RPGRIP1L: variants seen among roughly 807,000 people sequenced by gnomAD.
RPGRIP1L encodes the protein protein fantom.
RPGRIP1L carries 131 observed loss-of-function variants against 160.4 expected under a neutral mutation model. The observed-to-expected ratio is 0.82, with a 90% CI of 0.71 to 0.94. RPGRIP1L has a LOEUF of 0.94. RPGRIP1L is among the 40% of genes least tolerant of loss of function. RPGRIP1L has a pLI of 0.00. For synonymous variants in RPGRIP1L, 510 were observed against 515.8 expected (o/e 0.99, Z 0.15); for missense variants, 1,522 against 1,535.8 (o/e 0.99, Z 0.15).
chr16:53,638,086 G>T (rs1965954946), intron 20 of RPGRIP1L, among the ~76,000 whole-genome samples: 1 of 151,960 alleles, frequency 6.6e-6, no homozygotes, highest in Non-Finnish European at 1.5e-5. Flanking sequence ...ATCTCAAAAT[G>T]AATTTTACAT....
intron 24 of RPGRIP1L, among the ~76,000 whole-genome samples, chr16:53,611,677 G>A (rs1317827741): frequency 6.6e-6 from 1 of 152,234 alleles, no homozygotes; most frequent in Non-Finnish European, 1.5e-5. Flanking sequence ...TGAAGCATGA[G>A]ATTAGATAAC....
chr16:53,703,521 G>C (rs192367104), intron 1 of RPGRIP1L: 2 of 163,514 alleles, frequency 1.2e-5, no homozygotes, highest in African/African-American at 4.8e-5. Context: ...GCAGGATCTG[G>C]ATAGAGATGG....
chr16:53,689,099 T>C (rs960539792), intron 4 of RPGRIP1L, among the ~76,000 whole-genome samples: 2 of 149,850 alleles, frequency 1.3e-5, no homozygotes, highest in Non-Finnish European at 3.0e-5. Context: ...GTTATATATA[T>C]ATATAAAACC....
intron 15 of RPGRIP1L, among the ~76,000 whole-genome samples, chr16:53,651,774 T>C (rs1459872799): frequency 6.6e-6 from 1 of 152,052 alleles, no homozygotes; most frequent in Non-Finnish European, 1.5e-5. Flanking sequence ...CTACAGGGGG[T>C]AGTTTTGTCT....
intron 16 of RPGRIP1L, among the ~76,000 whole-genome samples, chr16:53,648,103 CAAAAAA>C (rs781122239): frequency 5.1e-5 from 2 of 39,138 alleles, no homozygotes; most frequent in East Asian, 1.4e-3. Flanking sequence ...GACTCCGTCT[CAAAAAA>C]AAAAAAAAAA....
chr16:53,656,748 C>G (rs1967292824), intron 13 of RPGRIP1L, among the ~76,000 whole-genome samples, 159 bp from the exon 14 acceptor site: 1 of 152,164 alleles, frequency 6.6e-6, no homozygotes, highest in Non-Finnish European at 1.5e-5. Flanking sequence ...GAAAATTATG[C>G]TTGGCAATAT....
intron 2 of RPGRIP1L, among the ~76,000 whole-genome samples, chr16:53,698,830 C>T (rs1971120176): frequency 6.7e-6 from 1 of 148,394 alleles, no homozygotes; most frequent in African/African-American, 2.5e-5. Context: ...CTCTGCCCGG[C>T]CGCCCCTACT....
Position 53,653,006 on chromosome 16 carries a change from A to G in RPGRIP1L, c.1700-19T>C, listed in dbSNP as rs1966918951. On this transcript the variant is annotated intron_variant, in intron 14 of 26. Coordinates refer to ENST00000647211, the MANE Select transcript of RPGRIP1L (RefSeq NM_015272.5). ...AATTGGGCTGCAAGAGAAGACACAC[A>G]GTTTAGAGATTTCAAAATATTGACA... 6.3e-7 allele frequency: 1 copy of G among 1,589,634 alleles called. No individual in the cohort carries two copies. Among genetic ancestry groups the G allele is most frequent in the African/African-American group, 1.3e-5 (1 of 74,490 alleles).
At chr16:53,686,401 C>CTTAGT (rs1290522361) in intron 6 of RPGRIP1L, 32 bp downstream of exon 6, 1 of 1,605,472 alleles carries the variant, frequency 6.2e-7, no homozygotes, top group East Asian at 2.2e-5. Flanking sequence ...TAATTTTGAC[C>CTTAGT]TTATCAAAGT....
At chr16:53,608,041 G>A (rs527256047) in intron 25 of RPGRIP1L, 4 of 858,414 alleles carry the variant, frequency 4.7e-6, no homozygotes, top group Non-Finnish European at 5.6e-6. Flanking sequence ...GTGGAAGGAA[G>A]AACAGGAAGT....
At chr16:53,703,571 T>C (rs1971693291) in intron 1 of RPGRIP1L, 1 of 172,184 alleles carries the variant, frequency 5.8e-6, no homozygotes, top group Admixed American at 5.4e-5. Flanking sequence ...GGCTGGGATA[T>C]AACATTTCAA....
At chr16:53,658,504 T>C in intron 11 of RPGRIP1L, 40 bp from the exon 12 acceptor site, 1 of 1,460,488 alleles carries the variant, frequency 6.8e-7, no homozygotes, top group African/African-American at 1.4e-5. Flanking sequence ...GAGTTATGAA[T>C]GGAAAATACA....
intron 24 of RPGRIP1L, among the ~76,000 whole-genome samples, chr16:53,617,025 T>C (rs1964417615): frequency 7.3e-6 from 1 of 136,064 alleles, no homozygotes; most frequent in Non-Finnish European, 1.5e-5. Flanking sequence ...TAAGCCAAGA[T>C]TGTGCCACTG....
chr16:53,657,784 T>G (rs1967394791), intron 12 of RPGRIP1L, 152 bp from the exon 13 acceptor site: 1 of 580,340 alleles, frequency 1.7e-6, no homozygotes, highest in Admixed American at 3.3e-5. Flanking sequence ...GATATATATA[T>G]CAGGACTGCT....
intron 9 of RPGRIP1L, among the ~76,000 whole-genome samples, chr16:53,669,865 C>T (rs992683731): frequency 6.6e-6 from 1 of 152,006 alleles, no homozygotes; most frequent in East Asian, 1.9e-4. Flanking sequence ...AAAAAGAATT[C>T]AAGTTTTAGA....
At chr16:53,664,342 T>C (rs1184803750) in intron 10 of RPGRIP1L, among the ~76,000 whole-genome samples, 1 of 152,184 alleles carries the variant, frequency 6.6e-6, no homozygotes, top group Non-Finnish European at 1.5e-5. Context: ...CATCAGAGAT[T>C]TTCCCTATTC....
chr16:53,676,331 A>C (rs904214921), intron 6 of RPGRIP1L, among the ~76,000 whole-genome samples: 2 of 152,144 alleles, frequency 1.3e-5, no homozygotes, highest in African/African-American at 4.8e-5. Context: ...AGTTCTGAGC[A>C]CATATTCAAC....
At chr16:53,640,054 AT>A (rs2151050566) in intron 19 of RPGRIP1L, among the ~76,000 whole-genome samples, 1 of 152,346 alleles carries the variant, frequency 6.6e-6, no homozygotes, top group East Asian at 1.9e-4. Context: ...ACCACAGAGA[AT>A]GGTAAAAATC....
At chr16:53,618,746 C>G (rs570731160) in intron 24 of RPGRIP1L, among the ~76,000 whole-genome samples, 8 of 152,110 alleles carry the variant, frequency 5.3e-5, no homozygotes, top group African/African-American at 1.9e-4. Context: ...GAGGTTTTGC[C>G]GTGTAGCCCA....
Sources: allele counts gnomAD v4.1 joint callset (sites outside exome capture counted in the v4.1 genomes callset), GRCh38; gene constraint gnomAD v4.1.1; transcripts MANE v1.5; gene names NCBI Gene and HGNC (gene_info 2026-07-23, HGNC 2026-07-21).